NAV2: variants seen among roughly 807,000 people sequenced by gnomAD.
NAV2 encodes helicase, APC down-regulated 1.
A neutral mutation model predicts 223.2 loss-of-function variants in NAV2; 54 were observed. That is an observed-to-expected ratio of 0.24 (90% CI 0.19 to 0.30). The LOEUF (loss-of-function observed/expected upper bound fraction) is 0.30. Among genes scored for constraint, NAV2 ranks in the 10% least tolerant of loss-of-function variants. The pLI is 1.00. For synonymous variants in NAV2, 1,279 were observed against 1,239.3 expected, an observed-to-expected ratio of 1.03 and a Z score of -0.67; for missense variants, 2,806 against 3,147.5, an observed-to-expected ratio of 0.89 and a Z score of 2.60.
At chr11:20,014,216 C>T (rs1191716544) in intron 11 of NAV2, among the ~76,000 whole-genome samples, 2 of 152,190 alleles carry the variant, frequency 1.3e-5, no homozygotes, top group African/African-American at 4.8e-5. Flanking sequence ...CCACCTGTCC[C>T]TCTCCCTCAT....
chr11:19,467,103 T>C (rs1852394797), intron 1 of NAV2, among the ~76,000 whole-genome samples: 1 of 152,076 alleles, frequency 6.6e-6, no homozygotes, highest in African/African-American at 2.4e-5. Context: ...TCACATTACA[T>C]GTACATGTAT....
At chr11:19,441,526 C>G (rs945190800) in intron 1 of NAV2, among the ~76,000 whole-genome samples, 3 of 152,160 alleles carry the variant, frequency 2.0e-5, no homozygotes, top group Admixed American at 1.3e-4. Context: ...GAGCATGAAA[C>G]TGAGATCTGA....
intron 1 of NAV2, among the ~76,000 whole-genome samples, chr11:19,621,112 C>T (rs574401239): frequency 6.6e-6 from 1 of 152,194 alleles, no homozygotes; most frequent in African/African-American, 2.4e-5. Flanking sequence ...GAAAGAAGCC[C>T]ACTTGATCAT....
intron 1 of NAV2, among the ~76,000 whole-genome samples, chr11:19,761,475 C>G (rs1047204509): frequency 3.3e-5 from 5 of 152,174 alleles, no homozygotes; most frequent in African/African-American, 1.2e-4. Flanking sequence ...GAGGCAGCAG[C>G]ATGAAAACTG....
At chr11:20,077,124 T>G (rs10734289) in intron 22 of NAV2, among the ~76,000 whole-genome samples, 48,427 of 151,930 alleles carry the variant, frequency 0.32, 8,194 homozygotes, top group East Asian at 0.65. Flanking sequence ...AAGACAGACA[T>G]ACATTACCAA....
chr11:19,932,475 C>T (rs993123465), intron 6 of NAV2, among the ~76,000 whole-genome samples: 1 of 152,070 alleles, frequency 6.6e-6, no homozygotes, highest in Admixed American at 6.5e-5. Flanking sequence ...TGTGCCACCA[C>T]ACCCAGCTAA....
chr11:19,747,051 A>G (rs868156048), intron 1 of NAV2, among the ~76,000 whole-genome samples: 1 of 48,496 alleles, frequency 2.1e-5, no homozygotes, highest in African/African-American at 7.4e-5. Flanking sequence ...CCCTCCCCCC[A>G]CCCCACAACA....
At chr11:19,432,794 A>G (rs1299837155) in intron 1 of NAV2, among the ~76,000 whole-genome samples, 2 of 152,294 alleles carry the variant, frequency 1.3e-5, no homozygotes, top group East Asian at 3.9e-4. Flanking sequence ...TGTGAGGCCC[A>G]GGTTCTTGTG....
At chr11:20,033,649 G>A (rs193196677) in intron 11 of NAV2, among the ~76,000 whole-genome samples, 76 of 152,252 alleles carry the variant, frequency 5.0e-4, no homozygotes, top group African/African-American at 1.7e-3. Flanking sequence ...ACATTCCCCT[G>A]CATTTCTGTG....
rs183273194 is a variant in NAV2 at position 19,487,078 on chromosome 11, C to T, written c.75+136051C>T. Among the ~76,000 whole-genome samples the T allele has an allele frequency of 1.6e-3, 247 of 152,288 alleles. 1 individual carries two copies. The highest frequency in any genetic ancestry group is 5.7e-3 in the African/African-American group (235 of 41,564). ...TCAGGCACATTACCTGGGTAAGTGGCTTTCCCTCACTGGGCCTCTTTATCT... is the reference window on the plus strand; with the variant it reads ...TCAGGCACATTACCTGGGTAAGTGGTTTTCCCTCACTGGGCCTCTTTATCT... On this transcript the variant is annotated intron_variant, in intron 1 of 37. Transcript: ENST00000360655.
rs139941250 is a variant in NAV2, at chr11:19,848,009, A to C, written c.438+5086A>C. On this transcript the variant is annotated intron_variant, in intron 3 of 37. Transcript: ENST00000349880. ...AATTGCACTTATCCCAGAATTTTGC[A>C]TACAACCTGAGCAGATCATGAACCC... Among the ~76,000 whole-genome samples, 1,252 of 152,338 alleles carry C rather than the reference A, an allele frequency of 8.2e-3. 14 individuals carry two copies. The highest frequency in any genetic ancestry group is 0.029 in the African/African-American group (1,190 of 41,584).
chr11:19,788,642 A>ACATGTCAGTCT (rs1342050133), intron 1 of NAV2, among the ~76,000 whole-genome samples: 2 of 152,152 alleles, frequency 1.3e-5, no homozygotes, highest in African/African-American at 4.8e-5. Flanking sequence ...TGCTTTAAGC[A>ACATGTCAGTCT]CATGTCAGTC....
intron 1 of NAV2, among the ~76,000 whole-genome samples, chr11:19,460,542 C>T (rs983642437): frequency 1.3e-5 from 2 of 151,482 alleles, no homozygotes; most frequent in Non-Finnish European, 2.9e-5. Context: ...AGCAAACTAT[C>T]GCAAGGACAA....
chr11:19,682,369 G>C (rs1590083155), intron 1 of NAV2, among the ~76,000 whole-genome samples: 2 of 152,328 alleles, frequency 1.3e-5, no homozygotes, highest in East Asian at 3.9e-4. Context: ...CTGAGCCTTA[G>C]AGAAGTTCGT....
intron 8 of NAV2, among the ~76,000 whole-genome samples, chr11:19,945,909 G>A (rs576221543): frequency 4.6e-5 from 7 of 152,372 alleles, no homozygotes; most frequent in African/African-American, 1.7e-4. Flanking sequence ...CAAGGAAGAA[G>A]GCAACCTTTC....
chr11:19,431,946 C>T (rs1851050910), intron 1 of NAV2, among the ~76,000 whole-genome samples: 2 of 152,138 alleles, frequency 1.3e-5, no homozygotes, highest in Non-Finnish European at 1.5e-5. Flanking sequence ...GCCTGTAATC[C>T]CAGCACTTTG....
At chr11:19,836,628 C>G (rs569629931) in intron 2 of NAV2, among the ~76,000 whole-genome samples, 1 of 151,368 alleles carries the variant, frequency 6.6e-6, no homozygotes, top group Non-Finnish European at 1.5e-5. Flanking sequence ...TAGTCAACAA[C>G]CTCTATTAAT....
At chr11:19,949,552 C>G (rs1164486835) in intron 10 of NAV2, among the ~76,000 whole-genome samples, 3 of 152,214 alleles carry the variant, frequency 2.0e-5, no homozygotes, top group Non-Finnish European at 4.4e-5. Flanking sequence ...CTTCCCAGAT[C>G]TTTGCATGGT....
In NAV2 at chr11:20,103,667, G is replaced by T. The variant is rs754029441; in HGVS notation, c.6587G>T (p.Gly2196Val). ...CKYHKCPYII[G>V]TMNQATSSTP... ...TTTATCCGCAGCCCTTACATAATTGGCACAATGAACCAGGCTACCTCTTCG... is the reference window on the plus strand; with the variant it reads ...TTTATCCGCAGCCCTTACATAATTGTCACAATGAACCAGGCTACCTCTTCG... Residue 2196 changes from glycine (G) to valine (V), a missense_variant, in exon 34 of 38, where the codon GGC becomes GTC. Physicochemically the swap from Gly to Val is moderately radical, Grantham distance 109. Around this residue, in one of 4 missense-constraint regions of NAV2, gnomAD observed 824 missense variants for 1,069.4 expected, o/e 0.77. Coordinates refer to ENST00000349880, the MANE Select transcript of NAV2 (RefSeq NM_145117.5). 3.7e-6 allele frequency: 6 copies of T among 1,613,964 alleles called. No homozygotes were observed. The East Asian group carries it at 1.3e-4, about 36-fold the overall frequency.
Sources: gnomAD v4.1 joint callset for allele counts (sites outside exome capture counted in the v4.1 genomes callset) on GRCh38, gnomAD v4.1.1 for gene constraint, gnomAD v4.1.1 regional missense constraint, MANE v1.5 for transcripts, NCBI Gene and HGNC (gene_info 2026-07-23, HGNC 2026-07-21) for gene names.